HDAC9: variants seen among roughly 807,000 people sequenced by gnomAD.
HDAC9 encodes the protein MEF-2 interacting transcription repressor (MITR) protein.
In HDAC9, 41 loss-of-function variants were observed where a neutral mutation model predicts 139.4. The ratio of observed to expected loss-of-function variants is 0.29; its 90% CI spans 0.23 to 0.38. The LOEUF is 0.38. HDAC9 is among the 10% of genes least tolerant of loss of function. The pLI is 1.00. For missense variants in HDAC9, 1,147 were observed against 1,297.0 expected, an observed-to-expected ratio of 0.88 and a Z score of 1.78; for synonymous variants, 517 against 476.2, an observed-to-expected ratio of 1.09 and a Z score of -1.12.
At chr7:18,591,477 G>A (rs1583795253) in intron 4 of HDAC9, 39 bp from the exon 5 acceptor site, 6 of 68,474 alleles carry the variant, frequency 8.8e-5, no homozygotes, top group Non-Finnish European at 2.1e-4. Flanking sequence ...GTGTGTGTAT[G>A]TGTGTGTGTG....
At chr7:18,955,109 C>T (rs930207837) in intron 24 of HDAC9, among the ~76,000 whole-genome samples, 4 of 152,094 alleles carry the variant, frequency 2.6e-5, no homozygotes, top group African/African-American at 9.7e-5. Context: ...GACTACATGT[C>T]ATAACTGAAA....
intron 21 of HDAC9, among the ~76,000 whole-genome samples, chr7:18,837,424 TC>T (rs1447007793): frequency 6.6e-6 from 1 of 152,072 alleles, no homozygotes; most frequent in Non-Finnish European, 1.5e-5. Context: ...ATTATTAATA[TC>T]TTGTAGGAAC....
At chr7:18,573,105 A>G (rs954410829) in intron 2 of HDAC9, among the ~76,000 whole-genome samples, 9 of 152,230 alleles carry the variant, frequency 5.9e-5, no homozygotes. Context: ...GGGAAATAAG[A>G]GAATAGTAAA....
intron 17 of HDAC9, among the ~76,000 whole-genome samples, chr7:18,825,865 ATT>A (rs1795392875): frequency 6.7e-6 from 1 of 148,194 alleles, no homozygotes; most frequent in Non-Finnish European, 1.5e-5. Flanking sequence ...CATATCGTAT[ATT>A]ATGTAATTTA....
intron 16 of HDAC9, among the ~76,000 whole-genome samples, chr7:18,768,216 A>G (rs964081028): frequency 2.0e-5 from 3 of 152,182 alleles, no homozygotes; most frequent in Non-Finnish European, 4.4e-5. Flanking sequence ...GAAGGCTGGG[A>G]GAAGCTAAGT....
chr7:18,935,017 A>G (rs982572686), intron 22 of HDAC9, among the ~76,000 whole-genome samples: 4 of 152,174 alleles, frequency 2.6e-5, no homozygotes, highest in Non-Finnish European at 4.4e-5. Context: ...AACAAAATAC[A>G]TGAAAATAGC....
At chr7:18,445,799 G>A (rs1470591485) in intron 1 of HDAC9, among the ~76,000 whole-genome samples, 1 of 152,164 alleles carries the variant, frequency 6.6e-6, no homozygotes, top group African/African-American at 2.4e-5. Flanking sequence ...AAAGATAGTT[G>A]ACAGCAATAT....
At chr7:18,210,326 C>T (rs1354216405) in intron 2 of HDAC9, among the ~76,000 whole-genome samples, 1 of 152,132 alleles carries the variant, frequency 6.6e-6, no homozygotes, top group Non-Finnish European at 1.5e-5. Context: ...CAATAAGTTG[C>T]TTATTAGCGT....
chr7:18,629,392 A>T lies in HDAC9; in HGVS notation c.707A>T (p.Lys236Ile). 6.2e-7 allele frequency: 1 copy of T among 1,611,102 alleles called. No individual in the cohort carries two copies. Among genetic ancestry groups the T allele is most frequent in the Non-Finnish European group, 8.5e-7 (1 of 1,178,664 alleles). ...AAGGTGCGGTCCAGGTTAAAACAGA[A>T]AGTGGCAGAGAGGAGAAGCAGCCCC... Reference protein sequence around the residue: ...NLKVRSRLKQKVAERRSSPLL... With the variant: ...NLKVRSRLKQIVAERRSSPLL... Residue 236 changes from lysine to isoleucine, a missense_variant, in exon 7 of 26, where the codon AAA becomes ATA. By Grantham distance (102) the Lys-to-Ile change is moderately radical (BLOSUM62 -3). This residue lies in a region of HDAC9 where 264 missense variants were observed against 273.8 expected (regional missense o/e 0.96). Coordinates refer to ENST00000686413, the MANE Select transcript of HDAC9 (RefSeq NM_178425.4).
At chr7:18,316,867 G>A (rs1257920842) in intron 1 of HDAC9, among the ~76,000 whole-genome samples, 1 of 151,300 alleles carries the variant, frequency 6.6e-6, no homozygotes, top group Non-Finnish European at 1.5e-5. Flanking sequence ...GCCGAGGCAG[G>A]CAGATCACGA....
chr7:18,171,407 T>G (rs143312129), intron 2 of HDAC9, among the ~76,000 whole-genome samples: 6,944 of 152,292 alleles, frequency 0.046, 179 homozygotes, highest in Non-Finnish European at 0.059. Context: ...ACAATTTGAC[T>G]TCCTCTTTTC....
At chr7:18,433,660 A>G (rs769102940) in intron 1 of HDAC9, among the ~76,000 whole-genome samples, 21 of 152,142 alleles carry the variant, frequency 1.4e-4, no homozygotes, top group Non-Finnish European at 2.4e-4. Context: ...TCTCAGTCCC[A>G]TTCACAATAG....
At chr7:18,793,785 T>C (rs907191773) in intron 17 of HDAC9, among the ~76,000 whole-genome samples, 1 of 152,178 alleles carries the variant, frequency 6.6e-6, no homozygotes, top group Non-Finnish European at 1.5e-5. Flanking sequence ...GATTCTCTTT[T>C]GAGGCAATTT....
Position 18,990,260 on chromosome 7 carries a change from A to C in HDAC9, c.3171-5763A>C, listed in dbSNP as rs983327806. 1.8e-4 allele frequency among the ~76,000 whole-genome samples: 27 copies of C among 151,266 alleles called. 1 individual carries two copies. The highest frequency in any genetic ancestry group is 6.1e-4 in the African/African-American group (25 of 41,266). ...GTGGATGTCCTTTCTGTTTGTTAGG[A>C]CAGACAGACAGGACCCTCAGCTGCA... On this transcript the variant is annotated intron_variant, in intron 25 of 25. Coordinates refer to ENST00000686413, the MANE Select transcript of HDAC9 (RefSeq NM_178425.4).
intron 12 of HDAC9, among the ~76,000 whole-genome samples, chr7:18,696,797 A>G (rs766982497): frequency 4.3e-4 from 65 of 151,986 alleles, no homozygotes; most frequent in South Asian, 2.1e-4. Context: ...TGACTTAGGA[A>G]TCTATGGCTG....
intron 1 of HDAC9, among the ~76,000 whole-genome samples, chr7:18,471,916 A>C (rs1794756069): frequency 6.6e-6 from 1 of 152,186 alleles, no homozygotes; most frequent in South Asian, 2.1e-4. Context: ...TAAGAAAAAA[A>C]AAACTTTGCA....
intron 1 of HDAC9, among the ~76,000 whole-genome samples, chr7:18,095,918 CA>C (rs1782473540): frequency 6.6e-6 from 1 of 152,006 alleles, no homozygotes; most frequent in Middle Eastern, 3.2e-3. Context: ...AATATAGATA[CA>C]AAAATTGTCC....
At chr7:18,776,802 G>T (rs889219459) in intron 16 of HDAC9, among the ~76,000 whole-genome samples, 1 of 151,894 alleles carries the variant, frequency 6.6e-6, no homozygotes, top group East Asian at 1.9e-4. Flanking sequence ...CATACTGAGG[G>T]TGCAAAGCAG....
intron 2 of HDAC9, among the ~76,000 whole-genome samples, chr7:18,238,023 C>A (rs566732860): frequency 3.9e-5 from 6 of 152,102 alleles, no homozygotes; most frequent in Non-Finnish European, 8.8e-5. Context: ...TATTGTGGTT[C>A]CTTCCATGCT....
Sources: allele counts gnomAD v4.1 joint callset (sites outside exome capture counted in the v4.1 genomes callset), GRCh38; gene constraint gnomAD v4.1.1; regional missense constraint gnomAD v4.1.1; transcripts MANE v1.5; gene names NCBI Gene and HGNC (gene_info 2026-07-23, HGNC 2026-07-21).